STAU2: variants seen among roughly 807,000 people sequenced by gnomAD.
STAU2 encodes double-stranded RNA-binding protein Staufen homolog 2.
Under a neutral mutation model 65.9 loss-of-function variants are expected in STAU2, and 20 were observed. The observed-to-expected ratio is 0.30, with a 90% CI of 0.21 to 0.44. STAU2 has a LOEUF of 0.44. Among genes scored for constraint, STAU2 ranks in the 20% least tolerant of loss-of-function variants. The pLI, the probability that STAU2 is intolerant of heterozygous loss-of-function variation, is 1.00. For missense variants in STAU2, 558 were observed against 683.9 expected (o/e 0.82, Z 2.05); for synonymous variants, 232 against 233.9 (o/e 0.99, Z 0.07).
chr8:73,455,765 AT>A (rs956766163), intron 13 of STAU2, among the ~76,000 whole-genome samples: 2 of 151,660 alleles, frequency 1.3e-5, no homozygotes, highest in Non-Finnish European at 2.9e-5. Context: ...AGTTTTTTTT[AT>A]TTTTTTATCA....
At chr8:73,479,996 G>A (rs574978094) in intron 13 of STAU2, among the ~76,000 whole-genome samples, 1 of 151,992 alleles carries the variant, frequency 6.6e-6, no homozygotes, top group African/African-American at 2.4e-5. Context: ...ACACCATCTA[G>A]ATGACATAGA....
rs78369159 is a variant in STAU2, at chr8:73,438,201, G to A, written c.1531-15499C>T. Among the ~76,000 whole-genome samples, 4 of 152,320 alleles carry A rather than the reference G, an allele frequency of 2.6e-5. No homozygotes were observed. The East Asian group carries it at 7.7e-4, about 29-fold the overall frequency. On this transcript the variant is annotated intron_variant, in intron 13 of 14. Transcript: ENST00000524300. ...TATTTCTGAAGGAAGGGGCTGGCCT[G>A]TCTGACTCACTACTGGGGTATGGCC...
intron 6 of STAU2, among the ~76,000 whole-genome samples, chr8:73,620,587 T>A (rs973921285): frequency 6.6e-6 from 1 of 152,208 alleles, no homozygotes; most frequent in Non-Finnish European, 1.5e-5. Context: ...CCTTGGGGCC[T>A]CTCCCTTTTT....
At chr8:73,741,304 C>CAAAAAAAAAA (rs761906073) in intron 1 of STAU2, among the ~76,000 whole-genome samples, 1 of 112,104 alleles carries the variant, frequency 8.9e-6, no homozygotes, top group Non-Finnish European at 1.7e-5. Flanking sequence ...GACTCCGTCT[C>CAAAAAAAAAA]AAAAAAAAAA....
intron 12 of STAU2, among the ~76,000 whole-genome samples, chr8:73,560,526 T>C (rs1353073025): frequency 6.6e-6 from 1 of 152,208 alleles, no homozygotes; most frequent in East Asian, 1.9e-4. Flanking sequence ...ACATTTAACA[T>C]AATGATGTAT....
chr8:73,554,930 C>A (rs905921413), intron 12 of STAU2, among the ~76,000 whole-genome samples: 1 of 152,134 alleles, frequency 6.6e-6, no homozygotes, highest in Non-Finnish European at 1.5e-5. Flanking sequence ...CTGTTTGATC[C>A]CAACACATCT....
intron 6 of STAU2, among the ~76,000 whole-genome samples, chr8:73,619,329 T>C (rs1813058885): frequency 6.6e-6 from 1 of 152,032 alleles, no homozygotes. Context: ...CTTAGCAAAA[T>C]AAACAGAATC....
intron 6 of STAU2, among the ~76,000 whole-genome samples, chr8:73,667,463 C>A (rs1817322002): frequency 6.6e-6 from 1 of 152,146 alleles, no homozygotes; most frequent in Admixed American, 6.5e-5. Context: ...CTAAACTTCT[C>A]AGGATTCCTA....
intron 13 of STAU2, among the ~76,000 whole-genome samples, chr8:73,496,630 C>T (rs1417372173): frequency 6.6e-6 from 1 of 151,646 alleles, no homozygotes; most frequent in Non-Finnish European, 1.5e-5. Flanking sequence ...TTTGTAGCCA[C>T]ATCTAAAAAG....
At chr8:73,529,260 G>A (rs1805644702) in intron 13 of STAU2, among the ~76,000 whole-genome samples, 1 of 152,006 alleles carries the variant, frequency 6.6e-6, no homozygotes, top group South Asian at 2.1e-4. Context: ...AGGTATAAGG[G>A]GAAAAATGAA....
rs139553085 is a variant in STAU2, at chr8:73,708,041, G to C, written c.114+991C>G. 1.1e-3 allele frequency among the ~76,000 whole-genome samples: 169 copies of C among 152,334 alleles called. 1 individual carries two copies. In the East Asian group the frequency reaches 0.031, roughly 28 times the overall value. ...TTAAGGGCAGAATGAGTCAGAAAGAGAGTCAGGACATATAGCTGGAAAGGT... is the reference window on the plus strand; with the variant it reads ...TTAAGGGCAGAATGAGTCAGAAAGACAGTCAGGACATATAGCTGGAAAGGT... On this transcript the variant is annotated intron_variant, in intron 4 of 14. Coordinates refer to ENST00000524300, the MANE Select transcript of STAU2 (RefSeq NM_001164380.2).
intron 6 of STAU2, among the ~76,000 whole-genome samples, chr8:73,672,780 A>C (rs188519300): frequency 6.6e-6 from 1 of 152,248 alleles, no homozygotes; most frequent in African/African-American, 2.4e-5. Flanking sequence ...AATGAATGAG[A>C]AAGTCAACAC....
intron 4 of STAU2, among the ~76,000 whole-genome samples, chr8:73,694,215 T>TA (rs1416636566): frequency 6.6e-6 from 1 of 152,122 alleles, no homozygotes; most frequent in East Asian, 1.9e-4. Flanking sequence ...TGACAAAACT[T>TA]AAACTATAAA....
Position 73,746,800 on chromosome 8 carries a change from T to C in STAU2, c.-214A>G. 13 of 1,231,068 alleles carry C rather than the reference T, an allele frequency of 1.1e-5. No individual in the cohort carries two copies. Among genetic ancestry groups the C allele is most frequent in the Non-Finnish European group, 1.3e-5 (13 of 986,324 alleles). The allele number at this position is 1,231,068 out of a possible 1,614,324, so 76.3% of individuals were successfully genotyped here. On this transcript the variant is annotated 5_prime_UTR_variant, in exon 1 of 15. Transcript: ENST00000524300. ...GTATTTACCTTCTTGCCGGGGACAC[T>C]TTGCAGACGGCTCCAACATTGGCAA...
intron 3 of STAU2, among the ~76,000 whole-genome samples, chr8:73,737,264 G>A (rs995976612): frequency 4.6e-5 from 7 of 151,586 alleles, no homozygotes; most frequent in Non-Finnish European, 7.4e-5. Context: ...TCCGCCTCCC[G>A]GGTTCAAGTG....
At chr8:73,615,399 C>A (rs570027810) in intron 8 of STAU2, among the ~76,000 whole-genome samples, 54 of 152,158 alleles carry the variant, frequency 3.5e-4, no homozygotes, top group African/African-American at 1.2e-3. Flanking sequence ...TAGGATACCA[C>A]AAATTATCTA....
chr8:73,621,391 C>T (rs1053057152), intron 6 of STAU2, among the ~76,000 whole-genome samples: 19 of 152,184 alleles, frequency 1.2e-4, no homozygotes, highest in Admixed American at 7.9e-4. Context: ...GTCAATTAAA[C>T]CTCTTTTCTT....
intron 11 of STAU2, among the ~76,000 whole-genome samples, chr8:73,583,201 T>C (rs1187391021): frequency 6.6e-6 from 1 of 151,650 alleles, no homozygotes; most frequent in Non-Finnish European, 1.5e-5. Flanking sequence ...GGCTGGAATG[T>C]AATGGCTTGG....
At chr8:73,618,502 G>C (rs1330359545) in intron 6 of STAU2, among the ~76,000 whole-genome samples, 1 of 152,172 alleles carries the variant, frequency 6.6e-6, no homozygotes, top group Non-Finnish European at 1.5e-5. Flanking sequence ...CAAAAGTTTA[G>C]GGAGACAGGA....
Sources: gnomAD v4.1 joint callset for allele counts (sites outside exome capture counted in the v4.1 genomes callset) on GRCh38, gnomAD v4.1.1 for gene constraint, MANE v1.5 for transcripts, NCBI Gene and HGNC (gene_info 2026-07-23, HGNC 2026-07-21) for gene names.